Variants in CC2D1B observed in about 807,000 individuals in gnomAD.
CC2D1B encodes coiled-coil and C2 domain containing 1B.
In CC2D1B, 92 loss-of-function variants were observed where a neutral mutation model predicts 110.8. That is an observed-to-expected ratio of 0.83 (90% CI 0.70 to 0.99). CC2D1B has a LOEUF of 0.99. Ranked by LOEUF, CC2D1B falls within the 50% of genes least tolerant of loss-of-function variation. The pLI, the probability that CC2D1B is intolerant of heterozygous loss-of-function variation, is 0.00. For synonymous variants in CC2D1B, 406 were observed against 429.2 expected, an observed-to-expected ratio of 0.95 and a Z score of 0.67; for missense variants, 1,136 against 1,089.0, an observed-to-expected ratio of 1.04 and a Z score of -0.61.
At position 52,362,619 on chromosome 1, in the gene CC2D1B, G is replaced by A. The variant is rs2147896833; in HGVS notation, c.197C>T (p.Pro66Leu). ...TGEAQTTGKK[P>L]APKGQAPLPM... is the part of the protein sequence containing the mutation. ...AAACTCACCCTGCCCCTTGGGTGCT[G>A]GCTTCTTGCCTGTGGTTTGTGCTTC... Residue 66 changes from proline to leucine, a missense_variant, in exon 3 of 25, where the codon CCA becomes CTA. Physicochemically the swap from Pro to Leu is moderately conservative, Grantham distance 98. Transcript: ENST00000284376. 1 of 1,614,208 alleles carries A rather than the reference G, an allele frequency of 6.2e-7. No individual in the cohort carries two copies. The highest frequency in any genetic ancestry group is 2.2e-5 in the East Asian group (1 of 44,886).
chr1:52,356,637 A>AG, intron 16 of CC2D1B, 195 bp from the exon 17 acceptor site: 1 of 636,358 alleles, frequency 1.6e-6, no homozygotes, highest in Non-Finnish European at 2.7e-6. Context: ...TTCTCTTCTG[A>AG]GGAGAGCCAT....
In CC2D1B at chr1:52,360,114, G is replaced by T. The variant is rs1273519713; in HGVS notation, c.723C>A (p.Ser241Arg). The T allele has an allele frequency of 3.1e-6, 5 of 1,604,368 alleles. No individual in the cohort carries two copies. Among genetic ancestry groups the T allele is most frequent in the Non-Finnish European group, 4.3e-6 (5 of 1,175,404 alleles). The change falls in exon 7 of 25, where the codon AGC (serine) becomes AGA (arginine). Residue 241 changes from serine to arginine, a missense_variant. Ser to Arg is a moderately radical substitution (Grantham distance 110). Transcript: ENST00000284376. ...GGGGAGCTGGAGGGTCTGTCTCAGG[G>T]CTCCTGTTGGCTGGTTCCTGGGGGG... ...PLAPQEPANR[S>R]PETDPPAPPA...
chr1:52,364,440 G>T (rs1466956348), intron 2 of CC2D1B, 112 bp downstream of exon 2: 3 of 606,990 alleles, frequency 4.9e-6, no homozygotes, highest in Non-Finnish European at 8.6e-6. Flanking sequence ...AGGAGGCACT[G>T]CTCCAAGTCT....
In CC2D1B at chr1:52,361,019, A is replaced by T; in HGVS notation, c.432T>A (p.Pro144=). 6.2e-7 allele frequency: 1 copy of T among 1,614,086 alleles called. No individual in the cohort carries two copies. The highest frequency in any genetic ancestry group is 8.5e-7 in the Non-Finnish European group (1 of 1,179,994). ...CTGTCAGGACGGCTGTCTGCACTGGAGGTTCAGTGTCTTCTAGGCCGTTCT... is the reference window on the plus strand; with the variant it reads ...CTGTCAGGACGGCTGTCTGCACTGGTGGTTCAGTGTCTTCTAGGCCGTTCT... ...EEENGLEDTE[P]PVQTAVLTAS... is the part of the protein sequence containing the mutation. Residue 144 remains proline (P), a synonymous_variant, in exon 5 of 25, where the codon CCT becomes CCA. Coordinates refer to ENST00000284376, the MANE Select transcript of CC2D1B (RefSeq NM_001330585.2).
chr1:52,355,424 G>C lies in CC2D1B; in HGVS notation c.2213C>G (p.Ala738Gly). The C allele has an allele frequency of 6.2e-7, 1 of 1,614,178 alleles. No homozygotes were observed. The highest frequency in any genetic ancestry group is 8.5e-7 in the Non-Finnish European group (1 of 1,180,030). The change falls in exon 21 of 25, where the codon GCT becomes GGT. Residue 738 changes from alanine (A) to glycine (G), a missense_variant. Ala to Gly is a moderately conservative substitution (Grantham distance 60). Coordinates refer to ENST00000284376, the MANE Select transcript of CC2D1B (RefSeq NM_001330585.2). ...NSDQAQKSKT[A>G]VVKNTNSPEF... The stretch of plus-strand genomic sequence containing the variant: ...TGGAGAGTTTGTGTTCTTCACCACA[G>C]CTGTTTTGCTTTTTTGAGCCTGGTC...
chr1:52,364,644 A>C lies in CC2D1B; in HGVS notation c.-14-10T>G. On this transcript the variant is annotated splice_polypyrimidine_tract_variant and intron_variant, in intron 1 of 24. Coordinates refer to ENST00000284376, the MANE Select transcript of CC2D1B (RefSeq NM_001330585.2). ...ATGGCAGCCTAGATACCTATGGAAG[A>C]GTTACAGAGATTCAGGCTGGAGTAG... 5 of 1,582,018 alleles carry C rather than the reference A, an allele frequency of 3.2e-6. No individual in the cohort carries two copies. The highest frequency in any genetic ancestry group is 4.3e-6 in the Non-Finnish European group (5 of 1,153,820).
In CC2D1B at chr1:52,350,961, G is replaced by T. The variant is rs565633649; in HGVS notation, c.*2264C>A. 2 of 152,328 alleles carry T rather than the reference G, an allele frequency of 1.3e-5. No individual in the cohort carries two copies. The highest frequency in any genetic ancestry group is 4.8e-5 in the African/African-American group (2 of 41,566). 9.4% of individuals were successfully genotyped at this position (152,328 alleles called of 1,614,324 possible). On this transcript the variant is annotated 3_prime_UTR_variant, in exon 25 of 25. Coordinates refer to ENST00000284376, the MANE Select transcript of CC2D1B (RefSeq NM_001330585.2). ...GGGGTTTCACCATGTTGGCCAGGCT[G>T]GTCTTGAATTCCTGACCTCAGGTGA...
rs1302255397 is a variant in CC2D1B at position 52,352,229 on chromosome 1, A to G, written c.*996T>C. The G allele has an allele frequency of 3.3e-5, 5 of 152,250 alleles. 1 individual carries two copies. The South Asian group carries it at 8.3e-4, about 25-fold the overall frequency. 9.4% of individuals were successfully genotyped at this position (152,250 alleles called of 1,614,324 possible). A position where few individuals can be genotyped will look rare whatever the true frequency, so the allele number is the denominator to read the frequency against. On this transcript the variant is annotated 3_prime_UTR_variant, in exon 25 of 25. Coordinates refer to ENST00000284376, the MANE Select transcript of CC2D1B (RefSeq NM_001330585.2). ...AGAATATTTCAGTTTTGAATATTAA[A>G]TCTCTTACAACTACAAACCCCTTCA...
intron 2 of CC2D1B, among the ~76,000 whole-genome samples, chr1:52,363,893 C>T (rs1404569018): frequency 2.0e-5 from 3 of 152,138 alleles, no homozygotes; most frequent in Admixed American, 6.5e-5. Context: ...GTTGGCCAGG[C>T]TGGTCTCAAA....
rs1017766309 is a variant in CC2D1B, at chr1:52,354,286, C to T, written c.2430+322G>A. ...GGTCGTAGCTCTGCCAAGGACACAC[C>T]ATATGAGCTTACAGAACCCCCTTTC... On this transcript the variant is annotated intron_variant, in intron 23 of 24. Coordinates refer to ENST00000284376, the MANE Select transcript of CC2D1B (RefSeq NM_001330585.2). 7.0e-5 allele frequency: 37 copies of T among 531,098 alleles called. 1 individual carries two copies. Among genetic ancestry groups the T allele is most frequent in the South Asian group, 3.1e-4 (20 of 63,576 alleles). The allele number at this position is 531,098 out of a possible 1,614,324, so 32.9% of individuals were successfully genotyped here. A position where few individuals can be genotyped will look rare whatever the true frequency, so the allele number is the denominator to read the frequency against.
chr1:52,355,756 CG>C lies in CC2D1B; in HGVS notation c.2128+14del, dbSNP rs761269563. ...GGGCAAGAGCCTCCTGGAGTAGGGG[CG>C]GCCCTAGGGTTACCTGGAGGGGCTG... On this transcript the variant is annotated intron_variant, in intron 19 of 24. Transcript: ENST00000284376. 1 of 1,613,688 alleles carries C rather than the reference CG, an allele frequency of 6.2e-7. No individual in the cohort carries two copies. Among genetic ancestry groups the C allele is most frequent in the Admixed American group, 1.7e-5 (1 of 59,996 alleles).
rs1231967046 is a variant in CC2D1B at position 52,354,904 on chromosome 1, T to C, written c.2275A>G (p.Asn759Asp). ...DQLFKLNINR[N>D]HRGFKRVIQS... ...ATCACCCTCTTGAAGCCCCGGTGGT[T>C]TCGGTTGATGTTTAGTTTGAAGAGT... Residue 759 changes from asparagine (N) to aspartate (D), a missense_variant, in exon 22 of 25, where the codon AAC becomes GAC. Coordinates refer to ENST00000284376, the MANE Select transcript of CC2D1B (RefSeq NM_001330585.2). The C allele has an allele frequency of 3.7e-6, 6 of 1,614,086 alleles. No individual in the cohort carries two copies. In the East Asian group the frequency reaches 1.3e-4, roughly 36 times the overall value.
chr1:52,364,628 T>C lies in CC2D1B; in HGVS notation c.-8A>G, dbSNP rs1343730031. ...TCTTGGCCCTGGCATCATGGCAGCC[T>C]AGATACCTATGGAAGAGTTACAGAG... On this transcript the variant is annotated 5_prime_UTR_variant, in exon 2 of 25. Transcript: ENST00000284376. The C allele has an allele frequency of 6.2e-7, 1 of 1,603,422 alleles. No individual in the cohort carries two copies. Among genetic ancestry groups the C allele is most frequent in the Non-Finnish European group, 8.5e-7 (1 of 1,171,768 alleles).
intron 23 of CC2D1B, chr1:52,354,225 A>G (rs991297497): frequency 2.6e-6 from 1 of 386,554 alleles, no homozygotes; most frequent in South Asian, 2.0e-5. Flanking sequence ...TACAGTGGGA[A>G]GAGCCCCAGC....
At position 52,359,533 on chromosome 1, in the gene CC2D1B, C is replaced by A; in HGVS notation, c.944G>T (p.Arg315Ile). 1 of 1,613,776 alleles carries A rather than the reference C, an allele frequency of 6.2e-7. No homozygotes were observed. Among genetic ancestry groups the A allele is most frequent in the Non-Finnish European group, 8.5e-7 (1 of 1,179,970 alleles). Residue 315 changes from arginine to isoleucine, a missense_variant and splice_region_variant, in exon 9 of 25, where the codon AGA becomes ATA. By Grantham distance (97) the Arg-to-Ile change is moderately conservative (BLOSUM62 -3). Coordinates refer to ENST00000284376, the MANE Select transcript of CC2D1B (RefSeq NM_001330585.2). ...CAGGGCCTCCAGGACAGCACCGAAT[C>A]TCTGCAGAAGTTGGAAAAGCAGGTG... ...RARELMRIGKRFGAVLEALEK... is the reference protein window; with the variant it reads ...RARELMRIGKIFGAVLEALEK...
In CC2D1B at chr1:52,353,622, C is replaced by T. The variant is rs746145085; in HGVS notation, c.2456G>A (p.Gly819Glu). The change falls in exon 24 of 25, where the codon GGG becomes GAG. Residue 819 changes from glycine (G) to glutamate (E), a missense_variant. Gly to Glu is a moderately conservative substitution (Grantham distance 98). Coordinates refer to ENST00000284376, the MANE Select transcript of CC2D1B (RefSeq NM_001330585.2). ...CCTCACCTTCACCTCCAGCTTCCCC[C>T]CGGTGGGCTTCCTTCCATCCAGGAC... ...VEVLDGRKPT[G>E]GKLEVKVRLR... 1.9e-6 allele frequency: 3 copies of T among 1,608,728 alleles called. No individual in the cohort carries two copies. Among genetic ancestry groups the T allele is most frequent in the Non-Finnish European group, 2.5e-6 (3 of 1,177,364 alleles).
chr1:52,359,091 G>A lies in CC2D1B; in HGVS notation c.1193C>T (p.Ala398Val), dbSNP rs145750942. 1.3e-5 allele frequency: 21 copies of A among 1,609,770 alleles called. No homozygotes were observed. The African/African-American group carries it at 1.5e-4, about 11-fold the overall frequency. Reference protein sequence around the residue: ...LQQRLNKYREAGIQARSGGDE... With the variant: ...LQQRLNKYREVGIQARSGGDE... The stretch of plus-strand genomic sequence containing the variant: ...CCCACCACTCCGGGCCTGGATGCCC[G>A]CCTCGCGGTACTTGTTCAGCCTCTG... The change falls in exon 11 of 25, where the codon GCG (alanine) becomes GTG (valine). Residue 398 changes from alanine to valine, a missense_variant. Ala to Val is a moderately conservative substitution (Grantham distance 64). Transcript: ENST00000284376.
intron 23 of CC2D1B, 44 bp downstream of exon 23, chr1:52,354,564 T>G: frequency 6.5e-7 from 1 of 1,529,312 alleles, no homozygotes; most frequent in East Asian, 2.2e-5. Flanking sequence ...GTATTGGCTC[T>G]TGTCGTACCA....
intron 13 of CC2D1B, 168 bp downstream of exon 13, chr1:52,358,163 C>G: frequency 9.9e-7 from 1 of 1,011,922 alleles, no homozygotes; most frequent in South Asian, 1.8e-5. Context: ...GGTTTGAATC[C>G]TAGTTCTGCT....
Sources: allele counts gnomAD v4.1 joint callset (sites outside exome capture counted in the v4.1 genomes callset), GRCh38; gene constraint gnomAD v4.1.1; transcripts MANE v1.5; gene names NCBI Gene and HGNC (gene_info 2026-07-23, HGNC 2026-07-21).